SI: variants seen among roughly 807,000 people sequenced by gnomAD.
The protein encoded by SI is sucrase-isomaltase, also known as sucrase-isomaltase, intestinal.
A neutral mutation model predicts 253.3 loss-of-function variants in SI; 235 were observed. The observed-to-expected ratio is 0.93, with a 90% CI of 0.83 to 1.03. SI has a LOEUF of 1.03. Ranked by LOEUF, SI falls within the 50% of genes least tolerant of loss-of-function variation. The probability of loss-of-function intolerance (pLI) is 0.00; values close to 1 mark genes in which losing one functional copy is unlikely to be tolerated. For missense variants in SI, 2,442 were observed against 2,211.1 expected (o/e 1.10, Z -2.09); for synonymous variants, 819 against 712.0 (o/e 1.15, Z -2.39).
intron 43 of SI, 140 bp from the exon 44 acceptor site, chr3:164,991,617 A>G: frequency 1.1e-6 from 1 of 913,798 alleles, no homozygotes; most frequent in East Asian, 2.6e-5. Flanking sequence ...AGAAAATCTT[A>G]ATTTGTTTCA....
chr3:165,019,556 T>C, intron 28 of SI, 46 bp downstream of exon 28: 1 of 1,569,046 alleles, frequency 6.4e-7, no homozygotes. Flanking sequence ...TGGATTCTAC[T>C]CATGGTCTTA....
At chr3:165,026,016 G>C (rs1241289129) in intron 25 of SI, among the ~76,000 whole-genome samples, 1 of 151,220 alleles carries the variant, frequency 6.6e-6, no homozygotes, top group African/African-American at 2.4e-5. Flanking sequence ...TGGCCTAAAT[G>C]CTCCACTTTA....
intron 26 of SI, among the ~76,000 whole-genome samples, chr3:165,022,455 T>A (rs1168125626): frequency 1.3e-5 from 2 of 151,386 alleles, no homozygotes; most frequent in East Asian, 1.9e-4. Context: ...TTTATATAAA[T>A]TTTTAAATAA....
chr3:164,997,929 G>A (rs771553141), intron 38 of SI, among the ~76,000 whole-genome samples: 30 of 151,664 alleles, frequency 2.0e-4, no homozygotes, highest in South Asian at 6.2e-4. Context: ...GGTGAATAGC[G>A]AACTGGCGAA....
chr3:165,007,471 G>A (rs1189436729), intron 36 of SI, among the ~76,000 whole-genome samples: 1 of 151,954 alleles, frequency 6.6e-6, no homozygotes, highest in Non-Finnish European at 1.5e-5. Flanking sequence ...ATAAGTGTTA[G>A]CATTCTTTCC....
intron 28 of SI, among the ~76,000 whole-genome samples, chr3:165,019,350 A>T (rs551440494): frequency 6.6e-6 from 1 of 152,064 alleles, no homozygotes; most frequent in Non-Finnish European, 1.5e-5. Context: ...GAAACAGTTA[A>T]GGTATTGAGT....
chr3:164,979,136 T>G lies in SI; in HGVS notation c.*226A>C, dbSNP rs1293780401. The G allele has an allele frequency of 3.9e-6, 2 of 508,964 alleles. No individual in the cohort carries two copies. The highest frequency in any genetic ancestry group is 6.3e-5 in the Admixed American group (2 of 31,618). 31.5% of individuals were successfully genotyped at this position (508,964 alleles called of 1,614,324 possible). ...GTAGCTGATACTTAACAAGGATAAA[T>G]AGGGCTATTCAAATTTTGTTAAATA... On this transcript the variant is annotated 3_prime_UTR_variant, in exon 48 of 48. Coordinates refer to ENST00000264382, the MANE Select transcript of SI (RefSeq NM_001041.4).
intron 47 of SI, among the ~76,000 whole-genome samples, chr3:164,980,082 G>T (rs1717108468): frequency 6.6e-6 from 1 of 151,768 alleles, no homozygotes. Context: ...GATTTTCTGT[G>T]CTTTAGCTCA....
intron 25 of SI, among the ~76,000 whole-genome samples, chr3:165,025,948 C>G (rs574647120): frequency 5.3e-5 from 8 of 151,034 alleles, no homozygotes; most frequent in Admixed American, 3.3e-4. Flanking sequence ...ATACAGGAAA[C>G]AAATAGCACA....
intron 24 of SI, among the ~76,000 whole-genome samples, chr3:165,031,469 C>A (rs987230695): frequency 1.3e-5 from 2 of 149,230 alleles, no homozygotes; most frequent in African/African-American, 4.9e-5. Flanking sequence ...CTCTTTTAAT[C>A]TCTATTAGAG....
chr3:165,036,473 T>TA lies in SI; in HGVS notation c.2430dup (p.Lys811Ter). 6.2e-7 allele frequency: 1 copy of TA among 1,609,580 alleles called. No homozygotes were observed. Among genetic ancestry groups the TA allele is most frequent in the Non-Finnish European group, 8.5e-7 (1 of 1,176,724 alleles). ...GCGACTATAAGTCCTAGAGGATTCTTACGGCTGTTAAGAAAAATTAGGTGC... is the reference window on the plus strand; with the variant it reads ...GCGACTATAAGTCCTAGAGGATTCTTAACGGCTGTTAAGAAAAATTAGGTGC... On this transcript the variant is annotated frameshift_variant, in exon 22 of 48. Transcript: ENST00000264382. LOFTEE classifies it high-confidence loss of function.
intron 37 of SI, among the ~76,000 whole-genome samples, chr3:165,006,337 T>G (rs1718510349): frequency 1.3e-5 from 2 of 152,104 alleles, no homozygotes; most frequent in African/African-American, 4.8e-5. Flanking sequence ...CTTGAACTCC[T>G]GGTCTCAATT....
intron 3 of SI, among the ~76,000 whole-genome samples, chr3:165,071,962 T>A (rs1167002128): frequency 6.6e-6 from 1 of 152,156 alleles, no homozygotes; most frequent in Non-Finnish European, 1.5e-5. Context: ...GAATTATGCC[T>A]GTTACCTAGG....
At chr3:165,015,492 T>C (rs555102246) in intron 32 of SI, among the ~76,000 whole-genome samples, 3 of 152,234 alleles carry the variant, frequency 2.0e-5, no homozygotes, top group Admixed American at 1.3e-4. Flanking sequence ...TTTTTATTTC[T>C]ATGGTGAGAT....
chr3:165,068,977 C>T, intron 4 of SI, 101 bp downstream of exon 4: 1 of 1,057,982 alleles, frequency 9.5e-7, no homozygotes, highest in Non-Finnish European at 1.5e-6. Context: ...TGAACATTCT[C>T]AGGAACATAT....
Position 165,062,449 on chromosome 3 carries a change from ATATGT to A in SI, c.937_941del (p.Thr313Ter). ...AATCCAGAATGCCACCGGTAACTCTATATGTTACTATTGGAGTAGGCTGGATAAAA... is the reference window on the plus strand; with the variant it reads ...AATCCAGAATGCCACCGGTAACTCTATACTATTGGAGTAGGCTGGATAAAA... On this transcript the variant is annotated frameshift_variant, in exon 9 of 48. Coordinates refer to ENST00000264382, the MANE Select transcript of SI (RefSeq NM_001041.4). LOFTEE classifies it high-confidence loss of function. 1.9e-6 allele frequency: 3 copies of A among 1,600,954 alleles called. No homozygotes were observed. The highest frequency in any genetic ancestry group is 2.6e-6 in the Non-Finnish European group (3 of 1,168,666).
chr3:165,016,684 T>C (rs1719047176), intron 31 of SI, among the ~76,000 whole-genome samples: 1 of 151,968 alleles, frequency 6.6e-6, no homozygotes, highest in Admixed American at 6.6e-5. Flanking sequence ...ATTTGAATTG[T>C]ATCATGGAAT....
chr3:165,054,251 T>G (rs1210165012), intron 13 of SI, among the ~76,000 whole-genome samples: 1 of 152,160 alleles, frequency 6.6e-6, no homozygotes, highest in Non-Finnish European at 1.5e-5. Context: ...TCATCCTTAG[T>G]GTGTCCATTA....
At position 165,000,983 on chromosome 3, in the gene SI, A is replaced by G. The variant is rs200133683; in HGVS notation, c.4407-2310T>C. Among the ~76,000 whole-genome samples the G allele has an allele frequency of 1.6e-4, 24 of 151,400 alleles. No homozygotes were observed. In the East Asian group the frequency reaches 4.4e-3, roughly 28 times the overall value. On this transcript the variant is annotated intron_variant, in intron 37 of 47. Transcript: ENST00000264382. ...TTATTATAAAAAAGTTTTTTATAGA[A>G]GTAAAACCAGAAACTCTACATATAT...
Sources: allele counts gnomAD v4.1 joint callset (sites outside exome capture counted in the v4.1 genomes callset), GRCh38; gene constraint gnomAD v4.1.1; transcripts MANE v1.5; gene names NCBI Gene and HGNC (gene_info 2026-07-23, HGNC 2026-07-21).